Variants in PLEKHA6 observed in about 807,000 individuals in gnomAD.
The protein encoded by PLEKHA6 is pleckstrin homology domain-containing family A member 6.
In PLEKHA6, 60 loss-of-function variants were observed where a neutral mutation model predicts 116.7. That is an observed-to-expected ratio of 0.51 (90% CI 0.42 to 0.64). The LOEUF is 0.64. Among genes scored for constraint, PLEKHA6 ranks in the 30% least tolerant of loss-of-function variants. The pLI is 0.00. For missense variants in PLEKHA6, 1,338 were observed against 1,422.7 expected (o/e 0.94, Z 0.96); for synonymous variants, 489 against 556.1 (o/e 0.88, Z 1.70).
At chr1:204,233,598 C>T (rs541486343) in intron 17 of PLEKHA6, among the ~76,000 whole-genome samples, 1 of 152,212 alleles carries the variant, frequency 6.6e-6, no homozygotes, top group South Asian at 2.1e-4. Flanking sequence ...AGCCACCGCA[C>T]CCAGCCCATC....
intron 1 of PLEKHA6, among the ~76,000 whole-genome samples, chr1:204,345,522 T>G (rs1673008562): frequency 6.6e-6 from 1 of 152,056 alleles, no homozygotes; most frequent in African/African-American, 2.4e-5. Flanking sequence ...TCAGGTTCTC[T>G]TCTTCCCGCC....
chr1:204,306,606 A>G (rs972219300), intron 1 of PLEKHA6, among the ~76,000 whole-genome samples: 3 of 152,248 alleles, frequency 2.0e-5, no homozygotes, highest in African/African-American at 7.2e-5. Flanking sequence ...GCTGGAATGC[A>G]TAAGGATCTC....
chr1:204,243,536 C>T (rs1052670728), intron 15 of PLEKHA6, among the ~76,000 whole-genome samples: 8 of 152,144 alleles, frequency 5.3e-5, no homozygotes, highest in African/African-American at 1.9e-4. Flanking sequence ...CATTGCCTCG[C>T]CCCCATGCCA....
Position 204,220,901 on chromosome 1 carries a change from A to G in PLEKHA6, c.*1887T>C, listed in dbSNP as rs1659568264. 1 of 152,364 alleles carries G rather than the reference A, an allele frequency of 6.6e-6. No homozygotes were observed. Among genetic ancestry groups the G allele is most frequent in the Admixed American group, 6.6e-5 (1 of 15,266 alleles). 9.4% of individuals were successfully genotyped at this position (152,364 alleles called of 1,614,324 possible). On this transcript the variant is annotated 3_prime_UTR_variant, in exon 23 of 23. Transcript: ENST00000272203. ...TTCTAAAAAATATTACTTTAAAAAA[A>G]AAAAAAGAGACGGACAAAGTGGCAG...
chr1:204,359,731 A>C lies in PLEKHA6; in HGVS notation c.-132T>G. On this transcript the variant is annotated 5_prime_UTR_variant, in exon 1 of 23. Coordinates refer to ENST00000272203, the MANE Select transcript of PLEKHA6 (RefSeq NM_014935.5). The stretch of plus-strand genomic sequence containing the variant: ...TGTGATCCCCGCGCTGGAAAGCTCT[A>C]ACTCTGCGAGCCCCAAGGCACCCCT... 1.0e-6 allele frequency: 1 copy of C among 975,442 alleles called. No homozygotes were observed. Among genetic ancestry groups the C allele is most frequent in the Non-Finnish European group, 1.2e-6 (1 of 820,848 alleles). 60.4% of individuals were successfully genotyped at this position (975,442 alleles called of 1,614,324 possible). A position where few individuals can be genotyped will look rare whatever the true frequency, so the allele number is the denominator to read the frequency against.
At chr1:204,368,435 T>C (rs1673711295) in intron 2 of PLEKHA6, 1 of 152,062 alleles carries the variant, frequency 6.6e-6, no homozygotes, top group Non-Finnish European at 1.5e-5. Context: ...ACTTGCAATT[T>C]TTAAAATCTT....
intron 12 of PLEKHA6, among the ~76,000 whole-genome samples, chr1:204,247,737 C>T (rs1464827427): frequency 6.6e-6 from 1 of 152,136 alleles, no homozygotes; most frequent in Non-Finnish European, 1.5e-5. Flanking sequence ...CTCCCCAGAT[C>T]AGCGGATAAA....
rs143565437 is a variant in PLEKHA6 at position 204,371,514 on chromosome 1, C to G, written c.160+16G>C. The stretch of plus-strand genomic sequence containing the variant: ...TCCTCCTCAATTGCAAAGGCAGGGA[C>G]AGACAGGTTCCTTACCTGGGCAGGA... On this transcript the variant is annotated intron_variant, in intron 2 of 4. Transcript: ENST00000564627. 4.6e-5 allele frequency: 7 copies of G among 152,404 alleles called. No homozygotes were observed. The East Asian group carries it at 1.3e-3, about 29-fold the overall frequency. The allele number at this position is 152,404 out of a possible 1,614,324, so 9.4% of individuals were successfully genotyped here.
At position 204,257,843 on chromosome 1, in the gene PLEKHA6, C is replaced by G. The variant is rs777792697; in HGVS notation, c.1034G>C (p.Arg345Pro). The G allele has an allele frequency of 3.1e-6, 5 of 1,612,620 alleles. No individual in the cohort carries two copies. The highest frequency in any genetic ancestry group is 2.2e-5 in the East Asian group (1 of 44,858). Residue 345 changes from arginine to proline, a missense_variant, in exon 9 of 23, where the codon CGC (arginine) becomes CCC (proline). By Grantham distance (103) the Arg-to-Pro change is moderately radical. This residue lies in a region of PLEKHA6 where 1,136 missense variants were observed against 1,163.6 expected (regional missense o/e 0.98). Transcript: ENST00000272203. The surrounding 1 kb of genome is among the most constrained non-coding windows in gnomAD (Gnocchi z 6.5). The stretch of plus-strand genomic sequence containing the variant: ...GGGGCCATAGTACTCAGGGACCCTG[C>G]GAGACACAGGATAGAACCTAGAGGG... ...RSPSRFYPVS[R>P]RVPEYYGPYS...
At chr1:204,263,745 G>GGTGT (rs150607608) in intron 6 of PLEKHA6, among the ~76,000 whole-genome samples, 2 of 151,080 alleles carry the variant, frequency 1.3e-5, no homozygotes. Flanking sequence ...TGTGTGTGTG[G>GGTGT]GTGTGTGTGT....
intron 4 of PLEKHA6, 83 bp from the exon 5 acceptor site, chr1:204,267,630 G>A (rs1558105851): frequency 3.4e-6 from 4 of 1,184,122 alleles, no homozygotes; most frequent in Non-Finnish European, 5.1e-6. Flanking sequence ...AGGGCACAGT[G>A]CCAATTATAA....
chr1:204,291,107 C>T (rs1572090374), intron 1 of PLEKHA6, among the ~76,000 whole-genome samples: 1 of 152,024 alleles, frequency 6.6e-6, no homozygotes, highest in Non-Finnish European at 1.5e-5. Flanking sequence ...GAAGAACTCT[C>T]ACAACTTAGT....
At chr1:204,264,870 C>A (rs1330798653) in intron 6 of PLEKHA6, 72 bp downstream of exon 6, 1 of 1,101,270 alleles carries the variant, frequency 9.1e-7, no homozygotes, top group African/African-American at 1.5e-5. Flanking sequence ...CTTGGCCCTT[C>A]TCCATTCCCA....
intron 9 of PLEKHA6, 140 bp from the exon 10 acceptor site, chr1:204,250,754 G>A (rs2102662707): frequency 5.7e-6 from 4 of 707,554 alleles, no homozygotes; most frequent in Non-Finnish European, 7.7e-6. Flanking sequence ...CCAGGGACCT[G>A]AGCTCATTCC....
chr1:204,327,041 C>T (rs1672267153), intron 1 of PLEKHA6: 1 of 982,964 alleles, frequency 1.0e-6, no homozygotes, highest in African/African-American at 1.7e-5. Flanking sequence ...TCAGCCTCTC[C>T]CCAGTCTCTC....
intron 1 of PLEKHA6, chr1:204,280,918 C>G (rs1020247910): frequency 6.0e-5 from 37 of 615,192 alleles, no homozygotes; most frequent in Non-Finnish European, 7.3e-5. Context: ...CACTTCTCAT[C>G]AGAGGCCCTC....
intron 1 of PLEKHA6, among the ~76,000 whole-genome samples, chr1:204,337,183 A>C (rs1216204561): frequency 6.6e-6 from 1 of 152,208 alleles, no homozygotes; most frequent in African/African-American, 2.4e-5. Context: ...GTTGGAGATG[A>C]AACTGAGTTG....
chr1:204,259,248 C>G lies in PLEKHA6; in HGVS notation c.1007+10G>C. The stretch of plus-strand genomic sequence containing the variant: ...ATATCAGCCCCACCCCAGCCGCCGG[C>G]ATGCCTCACCTCCGAAGGTCTTCAG... On this transcript the variant is annotated intron_variant, in intron 8 of 22. Coordinates refer to ENST00000272203, the MANE Select transcript of PLEKHA6 (RefSeq NM_014935.5). This position sits in a 1 kb window ranked among gnomAD's most constrained non-coding sequence, Gnocchi z 4.6. 1 of 1,611,614 alleles carries G rather than the reference C, an allele frequency of 6.2e-7. No individual in the cohort carries two copies. The highest frequency in any genetic ancestry group is 1.3e-5 in the African/African-American group (1 of 75,028).
chr1:204,309,608 G>T (rs534718084), intron 1 of PLEKHA6: 2 of 314,548 alleles, frequency 6.4e-6, no homozygotes, highest in Non-Finnish European at 9.2e-6. Flanking sequence ...TGTCATGTTC[G>T]CATGACAACA....
Sources: allele counts gnomAD v4.1 joint callset (sites outside exome capture counted in the v4.1 genomes callset), GRCh38; gene constraint gnomAD v4.1.1; regional missense constraint gnomAD v4.1.1; non-coding constraint Gnocchi (gnomAD v3.1); transcripts MANE v1.5; gene names NCBI Gene and HGNC (gene_info 2026-07-23, HGNC 2026-07-21).